The following ACO2 variants were observed in gnomAD, a reference collection of about 807,000 sequenced individuals.
The protein encoded by ACO2 is aconitase 2, also known as aconitate hydratase, mitochondrial.
ACO2 carries 31 observed loss-of-function variants against 84.5 expected under a neutral mutation model. That is an observed-to-expected ratio of 0.37 (90% CI 0.28 to 0.50). The LOEUF (loss-of-function observed/expected upper bound fraction) is 0.50, where lower values mean the gene tolerates loss of function less well. Ranked by LOEUF, ACO2 falls within the 20% of genes least tolerant of loss-of-function variation. The probability of loss-of-function intolerance (pLI) is 0.97; values close to 1 mark genes in which losing one functional copy is unlikely to be tolerated. For synonymous variants in ACO2, 414 were observed against 412.7 expected (o/e 1.00, Z -0.04); for missense variants, 685 against 1,029.3 (o/e 0.67, Z 4.58).
intron 1 of ACO2, among the ~76,000 whole-genome samples, chr22:41,470,990 A>G (rs2037939835): frequency 6.6e-6 from 1 of 152,230 alleles, no homozygotes; most frequent in Non-Finnish European, 1.5e-5. Flanking sequence ...GTATCACACC[A>G]TTTTGAACCG....
At chr22:41,522,736 T>A in intron 9 of ACO2, 94 bp from the exon 10 acceptor site, 1 of 1,436,264 alleles carries the variant, frequency 7.0e-7, no homozygotes, top group Non-Finnish European at 9.4e-7. Context: ...GATGGTGAAC[T>A]CTTTTGGCCA....
chr22:41,495,747 A>C lies in ACO2; in HGVS notation c.37-3979A>C, dbSNP rs1356884585. On this transcript the variant is annotated intron_variant, in intron 1 of 17. Transcript: ENST00000216254. ...GCCGTTCTCCTGCCTCAGCCTCCCG[A>C]GTAGCTGGGGCTACAGGCGCCCGCC... Among the ~76,000 whole-genome samples, 3 of 150,958 alleles carry C rather than the reference A, an allele frequency of 2.0e-5. No homozygotes were observed. The East Asian group carries it at 6.0e-4, about 30-fold the overall frequency.
chr22:41,478,234 T>G (rs2146081489), intron 1 of ACO2, among the ~76,000 whole-genome samples: 1 of 152,018 alleles, frequency 6.6e-6, no homozygotes, highest in African/African-American at 2.4e-5. Context: ...ACCTCCTGGG[T>G]TCAAGCAGTT....
intron 9 of ACO2, among the ~76,000 whole-genome samples, chr22:41,521,035 CAAAAAAAAAA>C (rs375633363): frequency 0.23 from 18,578 of 82,114 alleles, 1,802 homozygotes; most frequent in South Asian, 0.46. Context: ...AGCCTGCCTC[CAAAAAAAAAA>C]AAAAAAAAAA....
intron 17 of ACO2, 69 bp downstream of exon 17, chr22:41,528,091 G>A: frequency 6.2e-7 from 1 of 1,600,938 alleles, no homozygotes; most frequent in Non-Finnish European, 8.5e-7. Flanking sequence ...TCCTGCACTG[G>A]CCCCAGGGTA....
chr22:41,518,688 C>T (rs763088627), intron 8 of ACO2, 116 bp downstream of exon 8: 165 of 792,698 alleles, frequency 2.1e-4, no homozygotes, highest in Non-Finnish European at 3.2e-4. Context: ...AATCCCAGCA[C>T]TTTGGGAGGC....
At chr22:41,505,198 G>A (rs1318292201) in intron 2 of ACO2, among the ~76,000 whole-genome samples, 2 of 151,956 alleles carry the variant, frequency 1.3e-5, no homozygotes, top group Non-Finnish European at 2.9e-5. Flanking sequence ...GTGAGCCTAG[G>A]AGTTCAAGAC....
chr22:41,481,367 C>T (rs1441486610), intron 1 of ACO2, among the ~76,000 whole-genome samples: 1 of 152,170 alleles, frequency 6.6e-6, no homozygotes, highest in African/African-American at 2.4e-5. Context: ...TCTCCCGGAC[C>T]CTGGCCTGTT....
intron 2 of ACO2, among the ~76,000 whole-genome samples, chr22:41,506,560 G>GT (rs1305293861): frequency 2.0e-5 from 3 of 151,996 alleles, no homozygotes; most frequent in Non-Finnish European, 2.9e-5. Flanking sequence ...GCCTCATTCT[G>GT]TTTTTTATAG....
At chr22:41,525,469 A>G (rs1184555609) in intron 14 of ACO2, 121 bp downstream of exon 14, 55 of 1,293,824 alleles carry the variant, frequency 4.3e-5, no homozygotes, top group Non-Finnish European at 5.6e-5. Context: ...TGGGAGATGG[A>G]AGGGAGGTTT....
chr22:41,506,409 C>T (rs998530785), intron 2 of ACO2, among the ~76,000 whole-genome samples: 10 of 152,098 alleles, frequency 6.6e-5, no homozygotes, highest in South Asian at 2.1e-4. Flanking sequence ...CCCGCCACCA[C>T]GCCTGGCTAA....
chr22:41,527,191 CCCAGG>C, intron 15 of ACO2, 92 bp from the exon 16 acceptor site: 1 of 1,584,376 alleles, frequency 6.3e-7, no homozygotes, highest in Non-Finnish European at 8.6e-7. Context: ...CCTCAGGATG[CCCAGG>C]CGCCAGGTGG....
At chr22:41,509,769 C>A (rs1224003624) in intron 3 of ACO2, among the ~76,000 whole-genome samples, 1 of 150,736 alleles carries the variant, frequency 6.6e-6, no homozygotes, top group African/African-American at 2.4e-5. Context: ...GCTATGGTCA[C>A]CATCCTCAGA....
At chr22:41,524,678 G>A (rs1180941061) in intron 12 of ACO2, among the ~76,000 whole-genome samples, 168 bp from the exon 13 acceptor site, 1 of 152,212 alleles carries the variant, frequency 6.6e-6, no homozygotes, top group African/African-American at 2.4e-5. Context: ...AAGGCCCCGT[G>A]GTCCCAAAGA....
At chr22:41,470,411 T>C (rs1353420185) in intron 1 of ACO2, among the ~76,000 whole-genome samples, 2 of 152,196 alleles carry the variant, frequency 1.3e-5, no homozygotes, top group African/African-American at 4.8e-5. Context: ...TTTCATCACA[T>C]TGCTTAAATT....
At position 41,515,800 on chromosome 22, in the gene ACO2, G is replaced by A. The variant is rs764138297; in HGVS notation, c.718G>A (p.Gly240Ser). 32 of 1,613,956 alleles carry A rather than the reference G, an allele frequency of 2.0e-5. No homozygotes were observed. In the Admixed American group the frequency reaches 2.8e-4, roughly 14 times the overall value. The change falls in exon 6 of 18, where the codon GGT becomes AGT. Residue 240 changes from glycine (G) to serine (S), a missense_variant. By Grantham distance (56) the Gly-to-Ser change is moderately conservative. This residue lies in a region of ACO2 where 311 missense variants were observed against 441.6 expected (regional missense o/e 0.70). Transcript: ENST00000216254. The surrounding 1 kb of genome is among the most constrained non-coding windows in gnomAD (Gnocchi z 5.8). ...IGVKLTGSLS[G>S]WSSPKDVILK... ...CGTGAAGCTGACGGGCTCTCTCTCC[G>A]GTTGGTCCTCACCCAAAGATGTGAT... is the stretch of plus-strand genomic sequence containing the variant.
rs548720478 is a variant in ACO2, at chr22:41,494,272, C to T, written c.37-5454C>T. Among the ~76,000 whole-genome samples, 25 of 152,228 alleles carry T rather than the reference C, an allele frequency of 1.6e-4. 1 individual carries two copies. The South Asian group carries it at 5.2e-3, about 32-fold the overall frequency. ...TCACTCAGGCTGGATTTGGATCCCG[C>T]CTGAGATAATCATAGGAGCCGCTTC... On this transcript the variant is annotated intron_variant, in intron 1 of 17. Coordinates refer to ENST00000216254, the MANE Select transcript of ACO2 (RefSeq NM_001098.3).
intron 14 of ACO2, 38 bp from the exon 15 acceptor site, chr22:41,526,224 C>T (rs889920232): frequency 1.9e-6 from 3 of 1,583,000 alleles, no homozygotes; most frequent in Non-Finnish European, 2.6e-6. Context: ...CCTCCAGGGC[C>T]ATGCCCTGAC....
chr22:41,526,819 T>G (rs1250478041), intron 15 of ACO2: 1 of 299,020 alleles, frequency 3.3e-6, no homozygotes, highest in Non-Finnish European at 6.3e-6. Flanking sequence ...GTGATTGGAC[T>G]TTTTCTGCTT....
Sources: allele counts gnomAD v4.1 joint callset (sites outside exome capture counted in the v4.1 genomes callset), GRCh38; gene constraint gnomAD v4.1.1; regional missense constraint gnomAD v4.1.1; non-coding constraint Gnocchi (gnomAD v3.1); transcripts MANE v1.5; gene names NCBI Gene and HGNC (gene_info 2026-07-23, HGNC 2026-07-21).